The following THSD4 variants were observed in gnomAD, a reference collection of about 807,000 sequenced individuals.
The protein encoded by THSD4 is thrombospondin type-1 domain-containing protein 4.
Under a neutral mutation model 119.0 loss-of-function variants are expected in THSD4, and 69 were observed. That is an observed-to-expected ratio of 0.58 (90% CI 0.48 to 0.71). The LOEUF (loss-of-function observed/expected upper bound fraction) is 0.71. Ranked by LOEUF, THSD4 falls within the 30% of genes least tolerant of loss-of-function variation. THSD4 has a pLI of 0.00. For missense variants in THSD4, 1,393 were observed against 1,391.1 expected, an observed-to-expected ratio of 1.00 and a Z score of -0.02; for synonymous variants, 524 against 540.4, an observed-to-expected ratio of 0.97 and a Z score of 0.42.
intron 6 of THSD4, among the ~76,000 whole-genome samples, chr15:71,392,629 T>C (rs1028828807): frequency 6.6e-6 from 1 of 152,236 alleles, no homozygotes; most frequent in African/African-American, 2.4e-5. Flanking sequence ...AAGGTTCTAA[T>C]GAACCCTGAG....
intron 7 of THSD4, among the ~76,000 whole-genome samples, chr15:71,468,889 C>T (rs1286904537): frequency 6.6e-6 from 1 of 152,236 alleles, no homozygotes; most frequent in Admixed American, 6.5e-5. Flanking sequence ...ACTACTTCTG[C>T]TCCCATCCTA....
chr15:71,673,998 C>T (rs2051587623), intron 8 of THSD4, among the ~76,000 whole-genome samples: 2 of 152,160 alleles, frequency 1.3e-5, no homozygotes, highest in Non-Finnish European at 2.9e-5. Flanking sequence ...GCTTTTGCAC[C>T]CAACTGTCTG....
At chr15:71,191,372 C>T (rs1162846683) in intron 3 of THSD4, among the ~76,000 whole-genome samples, 1 of 152,146 alleles carries the variant, frequency 6.6e-6, no homozygotes, top group Non-Finnish European at 1.5e-5. Flanking sequence ...TCTCCTAGAC[C>T]TGGGCTGTTG....
chr15:71,739,106 A>G (rs1203267261), intron 11 of THSD4, among the ~76,000 whole-genome samples: 2 of 151,974 alleles, frequency 1.3e-5, no homozygotes, highest in Admixed American at 6.6e-5. Context: ...CAGAAAAAAA[A>G]AAAAAAAACA....
chr15:71,522,898 C>G (rs2048462845), intron 7 of THSD4, among the ~76,000 whole-genome samples: 1 of 152,168 alleles, frequency 6.6e-6, no homozygotes, highest in Admixed American at 6.5e-5. Context: ...GAGCCAACAA[C>G]TTAATGGGAC....
chr15:71,720,226 C>T (rs1383960809), intron 8 of THSD4, among the ~76,000 whole-genome samples: 2 of 151,200 alleles, frequency 1.3e-5, no homozygotes, highest in Non-Finnish European at 2.9e-5. Flanking sequence ...AATTTTTTTA[C>T]TTTAGATAGA....
intron 6 of THSD4, among the ~76,000 whole-genome samples, chr15:71,272,428 GA>G (rs1286799331): frequency 1.6e-5 from 2 of 127,068 alleles, no homozygotes; most frequent in African/African-American, 5.9e-5. Flanking sequence ...AAAAAAGAAA[GA>G]AGTGGGGAGG....
chr15:71,365,168 T>TGTGTGTGTGTGTGTGA, intron 6 of THSD4, among the ~76,000 whole-genome samples: 1 of 148,488 alleles, frequency 6.7e-6, no homozygotes, highest in Non-Finnish European at 1.5e-5. Flanking sequence ...TGTGTGTGTA[T>TGTGTGTGTGTGTGTGA]GAGAGAGAGA....
At chr15:71,444,912 C>T (rs2047159154) in intron 7 of THSD4, among the ~76,000 whole-genome samples, 2 of 152,188 alleles carry the variant, frequency 1.3e-5, no homozygotes, top group South Asian at 2.1e-4. Flanking sequence ...TGTGCCCACT[C>T]TACCTCTCCC....
At chr15:71,642,727 A>G (rs1054895933) in intron 7 of THSD4, among the ~76,000 whole-genome samples, 2 of 151,588 alleles carry the variant, frequency 1.3e-5, no homozygotes, top group African/African-American at 4.9e-5. Context: ...GCATGTTCTC[A>G]CTCATAGGTG....
At chr15:71,478,227 C>T (rs2047679320) in intron 7 of THSD4, among the ~76,000 whole-genome samples, 1 of 152,168 alleles carries the variant, frequency 6.6e-6, no homozygotes, top group Non-Finnish European at 1.5e-5. Flanking sequence ...AAAGCCCAGA[C>T]CTGCCTCTAG....
intron 3 of THSD4, among the ~76,000 whole-genome samples, chr15:71,207,958 A>G (rs902446485): frequency 2.6e-5 from 4 of 152,230 alleles, no homozygotes; most frequent in Non-Finnish European, 5.9e-5. Flanking sequence ...AATTTACAAT[A>G]ACGAGTCTAG....
At chr15:71,393,417 G>A (rs573103601) in intron 6 of THSD4, among the ~76,000 whole-genome samples, 1 of 152,112 alleles carries the variant, frequency 6.6e-6, no homozygotes, top group East Asian at 1.9e-4. Context: ...TAAATCCAAT[G>A]AGCCTTCATG....
At chr15:71,137,409 A>G (rs1432002074) in intron 1 of THSD4, among the ~76,000 whole-genome samples, 1 of 152,088 alleles carries the variant, frequency 6.6e-6, no homozygotes, top group Non-Finnish European at 1.5e-5. Context: ...CCCCACAATC[A>G]CAGTTCTAGG....
intron 7 of THSD4, among the ~76,000 whole-genome samples, chr15:71,634,553 T>C (rs1445066418): frequency 2.0e-5 from 3 of 152,166 alleles, no homozygotes; most frequent in African/African-American, 7.2e-5. Flanking sequence ...TAAATCCCCA[T>C]AAGATTTAGG....
intron 6 of THSD4, among the ~76,000 whole-genome samples, chr15:71,393,056 G>A (rs1395102101): frequency 6.6e-6 from 1 of 152,196 alleles, no homozygotes; most frequent in Non-Finnish European, 1.5e-5. Flanking sequence ...TTGGGGAAGT[G>A]AAATGCTTGC....
intron 3 of THSD4, among the ~76,000 whole-genome samples, chr15:71,196,096 G>A (rs1364890470): frequency 2.0e-5 from 3 of 152,204 alleles, no homozygotes; most frequent in Non-Finnish European, 2.9e-5. Context: ...GTGGAAAGCA[G>A]AAGGGCAAAA....
intron 6 of THSD4, among the ~76,000 whole-genome samples, chr15:71,387,371 G>A (rs1416134000): frequency 6.6e-6 from 1 of 152,096 alleles, no homozygotes; most frequent in Non-Finnish European, 1.5e-5. Context: ...GGGCTTACAC[G>A]GGGTTTCACT....
In THSD4 at chr15:71,728,571, C is replaced by G; in HGVS notation, c.1380C>G (p.Arg460=). Residue 460 remains arginine (R), a synonymous_variant, in exon 9 of 18, where the codon CGC becomes CGG. Coordinates refer to ENST00000261862, the MANE Select transcript of THSD4 (RefSeq NM_024817.3). The stretch of plus-strand genomic sequence containing the variant: ...CAGCCCTGAGAAGTCGTTCTGGACG[C>G]TCCATCATCAATGGGAACTGGGCAA... ...NYLALRSRSG[R]SIINGNWAID... 6.2e-7 allele frequency: 1 copy of G among 1,614,200 alleles called. No individual in the cohort carries two copies. The highest frequency in any genetic ancestry group is 8.5e-7 in the Non-Finnish European group (1 of 1,180,046).
Sources: gnomAD v4.1 joint callset for allele counts (sites outside exome capture counted in the v4.1 genomes callset) on GRCh38, gnomAD v4.1.1 for gene constraint, MANE v1.5 for transcripts, NCBI Gene and HGNC (gene_info 2026-07-23, HGNC 2026-07-21) for gene names.